The following CROCC variants were observed in gnomAD, a reference collection of about 807,000 sequenced individuals.
The protein encoded by CROCC is rootletin.
In CROCC, 180 loss-of-function variants were observed where a neutral mutation model predicts 245.2. The observed-to-expected ratio is 0.73, with a 90% CI of 0.65 to 0.83. The LOEUF (loss-of-function observed/expected upper bound fraction) is 0.83. Among genes scored for constraint, CROCC ranks in the 40% least tolerant of loss-of-function variants. CROCC has a pLI of 0.00. For missense variants in CROCC, 2,688 were observed against 2,779.4 expected, an observed-to-expected ratio of 0.97 and a Z score of 0.74; for synonymous variants, 1,205 against 1,241.6, an observed-to-expected ratio of 0.97 and a Z score of 0.62.
At chr1:16,937,484 C>A (rs1186639913) in intron 9 of CROCC, among the ~76,000 whole-genome samples, 157 bp from the exon 10 acceptor site, 1 of 152,272 alleles carries the variant, frequency 6.6e-6, no homozygotes, top group Non-Finnish European at 1.5e-5. Flanking sequence ...AATGTGAGAT[C>A]TGGAGAGGAG....
At chr1:16,936,971 C>G (rs1381161463) in intron 9 of CROCC, 98 bp downstream of exon 9, 1 of 1,264,892 alleles carries the variant, frequency 7.9e-7, no homozygotes, top group Non-Finnish European at 1.1e-6. Context: ...AGGGGAAGGG[C>G]CTTCCTCTGT....
intron 36 of CROCC, 36 bp downstream of exon 36, chr1:16,971,683 G>A: frequency 6.9e-7 from 1 of 1,439,106 alleles, no homozygotes. Flanking sequence ...GGCCAGGATG[G>A]ATGTGTGGGG....
upstream of CROCC, among the ~76,000 whole-genome samples, chr1:16,921,176 A>G (rs1211028527): frequency 1.3e-5 from 2 of 152,268 alleles, no homozygotes; most frequent in Non-Finnish European, 2.9e-5. Context: ...CGGCTCCGAG[A>G]GATGAGTACC....
intron 11 of CROCC, 41 bp from the exon 12 acceptor site, chr1:16,938,867 CT>C: frequency 6.3e-7 from 1 of 1,587,880 alleles, no homozygotes; most frequent in African/African-American, 1.3e-5. Context: ...CCCGCGGTTC[CT>C]AACTCAGCAG....
intron 35 of CROCC, 155 bp downstream of exon 35, chr1:16,970,922 G>C: frequency 1.2e-6 from 1 of 867,130 alleles, no homozygotes; most frequent in Non-Finnish European, 1.7e-6. Flanking sequence ...TGGAGGGATG[G>C]GTTCTCCCTA....
At chr1:16,945,795 A>G (rs1266462533) in intron 15 of CROCC, among the ~76,000 whole-genome samples, 189 bp downstream of exon 15, 1 of 152,288 alleles carries the variant, frequency 6.6e-6, no homozygotes, top group Admixed American at 6.5e-5. Context: ...GGTCCCAGCC[A>G]TAAGTGGACT....
rs145972878 is a variant in CROCC at position 16,955,337 on chromosome 1, G to A, written c.3491G>A (p.Arg1164His). ...REAEELRTQL[R>H]LLEDARDGLR... ...GCAGAAGAGCTTCGGACCCAGCTGC[G>A]TCTGCTGGAGGATGCCCGTGACGGG... Residue 1164 changes from arginine (R) to histidine (H), a missense_variant, in exon 24 of 37, where the codon CGT becomes CAT. Around this residue, in one of 9 missense-constraint regions of CROCC, gnomAD observed 1,218 missense variants for 1,286.3 expected, o/e 0.95. Transcript: ENST00000375541. 4.7e-4 allele frequency: 759 copies of A among 1,608,392 alleles called. No individual in the cohort carries two copies. The highest frequency in any genetic ancestry group is 5.7e-4 in the Non-Finnish European group (677 of 1,179,684).
At chr1:16,919,675 A>C (rs2075363194), upstream of CROCC, among the ~76,000 whole-genome samples, 1 of 152,296 alleles carries the variant, frequency 6.6e-6, no homozygotes, top group Admixed American at 6.5e-5. Flanking sequence ...TGCTAATGAC[A>C]ATAGGAACAG....
intron 27 of CROCC, among the ~76,000 whole-genome samples, chr1:16,963,854 G>C (rs536289659): frequency 6.0e-4 from 91 of 151,662 alleles, no homozygotes; most frequent in Non-Finnish European, 9.6e-4. Context: ...GGAGTGCAAT[G>C]GCGCGATCTC....
chr1:16,939,136 G>C lies in CROCC; in HGVS notation c.1602G>C (p.Gln534His). 3 of 1,508,440 alleles carry C rather than the reference G, an allele frequency of 2.0e-6. No homozygotes were observed. Among genetic ancestry groups the C allele is most frequent in the Non-Finnish European group, 2.6e-6 (3 of 1,139,908 alleles). 93.4% of individuals were successfully genotyped at this position (1,508,440 alleles called of 1,614,324 possible). A position where few individuals can be genotyped will look rare whatever the true frequency, so the allele number is the denominator to read the frequency against. The change falls in exon 12 of 37, where the codon CAG becomes CAC. Residue 534 changes from glutamine (Q) to histidine (H), a missense_variant. Coordinates refer to ENST00000375541, the MANE Select transcript of CROCC (RefSeq NM_014675.5). ...IHSALHKRQL[Q>H]VQDMRGRYEA... is the part of the protein sequence containing the mutation. ...CCGCCCTGCACAAGCGCCAGCTGCA[G>C]GTCCAGGTAGGAAGGGGCTTGAGCG... is the stretch of plus-strand genomic sequence containing the variant.
chr1:16,942,005 A>C (rs2075944970), intron 13 of CROCC, among the ~76,000 whole-genome samples: 1 of 152,176 alleles, frequency 6.6e-6, no homozygotes, highest in African/African-American at 2.4e-5. Context: ...CCTAGCCTTG[A>C]AGATTTTTTT....
chr1:16,930,352 G>T lies in CROCC; in HGVS notation c.683+5G>T. The T allele has an allele frequency of 6.2e-7, 1 of 1,610,640 alleles. No individual in the cohort carries two copies. On this transcript the variant is annotated splice_donor_5th_base_variant and intron_variant, in intron 6 of 36. Transcript: ENST00000375541. ...GCTGGAGGAGGAGCAGCAGAGGTGA[G>T]GGCGCAGCAGGGAGGGCCAGGGCTG...
intron 27 of CROCC, among the ~76,000 whole-genome samples, chr1:16,962,909 C>T (rs1321037854): frequency 2.6e-5 from 4 of 151,480 alleles, no homozygotes; most frequent in East Asian, 2.0e-4. Context: ...TGGCCAGACA[C>T]GTTGGCTCAT....
At chr1:16,925,678 G>A (rs1281957256) in intron 3 of CROCC, among the ~76,000 whole-genome samples, 2 of 152,280 alleles carry the variant, frequency 1.3e-5, no homozygotes, top group Non-Finnish European at 2.9e-5. Flanking sequence ...GCTGGAGCCC[G>A]CATTGGCAGG....
Position 16,922,015 on chromosome 1 carries a change from C to A in CROCC, c.-4C>A. 6.4e-7 allele frequency: 1 copy of A among 1,550,952 alleles called. No individual in the cohort carries two copies. Among genetic ancestry groups the A allele is most frequent in the Non-Finnish European group, 8.7e-7 (1 of 1,146,692 alleles). ...GCTGGAGGCATGCCCACAGCCTCCCCCCCATGAGCTTGGGGCTGGCGGGGG... is the reference window on the plus strand; with the variant it reads ...GCTGGAGGCATGCCCACAGCCTCCCACCCATGAGCTTGGGGCTGGCGGGGG... On this transcript the variant is annotated 5_prime_UTR_variant, in exon 1 of 37. Transcript: ENST00000375541.
At position 16,922,805 on chromosome 1, in the gene CROCC, C is replaced by T. The variant is rs759399630; in HGVS notation, c.196+7C>T. On this transcript the variant is annotated splice_region_variant and intron_variant, in intron 2 of 36. Transcript: ENST00000375541. Reference sequence around the variant, plus strand: ...TCCCAGCCTGAGAGCCCAGGTGCCACCCCCATCCGCTCCCCTCCACAAACA... The same window carrying T: ...TCCCAGCCTGAGAGCCCAGGTGCCATCCCCATCCGCTCCCCTCCACAAACA... The T allele has an allele frequency of 5.0e-6, 8 of 1,609,570 alleles. No individual in the cohort carries two copies. In the East Asian group the frequency reaches 1.1e-4, roughly 22 times the overall value.
intron 1 of CROCC, among the ~76,000 whole-genome samples, chr1:16,915,509 A>T (rs2075292688): frequency 6.6e-6 from 1 of 152,206 alleles, no homozygotes; most frequent in Non-Finnish European, 1.5e-5. Flanking sequence ...ACGTGGTGGC[A>T]CGCACCTGTG....
chr1:16,933,150 A>G (rs867765610), intron 8 of CROCC, among the ~76,000 whole-genome samples: 5 of 152,290 alleles, frequency 3.3e-5, no homozygotes, highest in Admixed American at 6.5e-5. Flanking sequence ...GCCAGTGTCT[A>G]AATTTTCCAT....
At chr1:16,959,216 A>G (rs545521559) in intron 26 of CROCC, among the ~76,000 whole-genome samples, 24 of 151,994 alleles carry the variant, frequency 1.6e-4, no homozygotes, top group African/African-American at 5.3e-4. Flanking sequence ...TAGAGACAGG[A>G]TTTCACCATG....
Sources: allele counts gnomAD v4.1 joint callset (sites outside exome capture counted in the v4.1 genomes callset), GRCh38; gene constraint gnomAD v4.1.1; regional missense constraint gnomAD v4.1.1; transcripts MANE v1.5; gene names NCBI Gene and HGNC (gene_info 2026-07-23, HGNC 2026-07-21).